CELSR2: variants seen among roughly 807,000 people sequenced by gnomAD.
CELSR2 encodes cadherin EGF LAG seven-pass G-type receptor 2.
CELSR2 carries 81 observed loss-of-function variants against 251.6 expected under a neutral mutation model. That is an observed-to-expected ratio of 0.32 (90% CI 0.27 to 0.39). The LOEUF is 0.39. Among genes scored for constraint, CELSR2 ranks in the 10% least tolerant of loss-of-function variants. CELSR2 has a pLI of 1.00. For synonymous variants in CELSR2, 1,721 were observed against 1,670.5 expected (o/e 1.03, Z -0.74); for missense variants, 3,365 against 3,947.7 (o/e 0.85, Z 3.96).
Position 109,251,942 on chromosome 1 carries a change from G to T in CELSR2, c.1863G>T (p.Glu621Asp), listed in dbSNP as rs1655704487. The T allele has an allele frequency of 6.2e-7, 1 of 1,613,990 alleles. No individual in the cohort carries two copies. ...CAGAGTACACAGTGCGGCTCAATGA[G>T]GATGCAGCTGTGGGCACCAGCGTGG... The part of the protein sequence containing the change: ...TQPEYTVRLN[E>D]DAAVGTSVVT... The change falls in exon 1 of 34, where the codon GAG becomes GAT. Residue 621 changes from glutamate to aspartate, a missense_variant. Glu to Asp is a conservative substitution (Grantham distance 45, BLOSUM62 2). Coordinates refer to ENST00000271332, the MANE Select transcript of CELSR2 (RefSeq NM_001408.3). The surrounding 1 kb of genome is among the most constrained non-coding windows in gnomAD (Gnocchi z 4.9).
Position 109,261,952 on chromosome 1 carries a change from C to G in CELSR2, c.4386+56C>G. 1 of 1,504,274 alleles carries G rather than the reference C, an allele frequency of 6.6e-7. No homozygotes were observed. The highest frequency in any genetic ancestry group is 1.4e-5 in the African/African-American group (1 of 72,166). The allele number at this position is 1,504,274 out of a possible 1,614,324, so 93.2% of individuals were successfully genotyped here. The stretch of plus-strand genomic sequence containing the variant: ...TTCTGTTCTTGCCTCAGGTGCTTAC[C>G]CAGCCCTGAGTGGCATTGCCTCCAG... On this transcript the variant is annotated intron_variant, in intron 5 of 33. Coordinates refer to ENST00000271332, the MANE Select transcript of CELSR2 (RefSeq NM_001408.3). This position sits in a 1 kb window ranked among gnomAD's most constrained non-coding sequence, Gnocchi z 4.8.
intron 2 of CELSR2, 137 bp downstream of exon 2, chr1:109,259,216 C>T (rs1655949889): frequency 6.3e-6 from 5 of 796,910 alleles, no homozygotes; most frequent in East Asian, 2.7e-5. Context: ...GTCATAAATC[C>T]GGCCTGCTCC....
rs754695838 is a variant in CELSR2, at chr1:109,271,722, G to A, written c.7926G>A (p.Ser2642=). The change falls in exon 28 of 34, where the codon TCG becomes TCA. Residue 2642 remains serine, a splice_region_variant and synonymous_variant. Transcript: ENST00000271332. Reference sequence around the variant, plus strand: ...TGACCACCAAGTCCACCCTGACCTCGGTGAGGGAGCCAGGGGTCTCAGGAG... The same window carrying A: ...TGACCACCAAGTCCACCCTGACCTCAGTGAGGGAGCCAGGGGTCTCAGGAG... ...PALTTKSTLT[S]SYNCPSPYAD... 3 of 1,613,688 alleles carry A rather than the reference G, an allele frequency of 1.9e-6. No individual in the cohort carries two copies. The highest frequency in any genetic ancestry group is 1.1e-5 in the South Asian group (1 of 91,068).
In CELSR2 at chr1:109,269,141, C is replaced by G; in HGVS notation, c.6663C>G (p.Pro2221=). 3 of 1,609,106 alleles carry G rather than the reference C, an allele frequency of 1.9e-6. No homozygotes were observed. Among genetic ancestry groups the G allele is most frequent in the Non-Finnish European group, 2.5e-6 (3 of 1,178,124 alleles). The change falls in exon 20 of 34, where the codon CCC becomes CCG. Residue 2221 remains proline (P), a synonymous_variant. Transcript: ENST00000271332. This position sits in a 1 kb window ranked among gnomAD's most constrained non-coding sequence, Gnocchi z 6.4. ...ETPPVVRPAG[P]GEAQEPEELA... The stretch of plus-strand genomic sequence containing the variant: ...CCCCCGTGGTCAGGCCCGCAGGCCC[C>G]GGAGAGGCCCAGGAGCCAGAGGAGC...
intron 2 of CELSR2, 44 bp from the exon 3 acceptor site, chr1:109,260,998 T>C: frequency 2.0e-6 from 3 of 1,489,070 alleles, no homozygotes; most frequent in Non-Finnish European, 2.8e-6. Flanking sequence ...GTTCCCCTCC[T>C]GTCCTCAGGT....
In CELSR2 at chr1:109,250,386, C is replaced by T. The variant is rs1254815877; in HGVS notation, c.307C>T (p.Leu103=). 5 of 1,613,468 alleles carry T rather than the reference C, an allele frequency of 3.1e-6. No individual in the cohort carries two copies. Among genetic ancestry groups the T allele is most frequent in the Admixed American group, 1.7e-5 (1 of 60,012 alleles). ...WCPESEAHIP[L]PPAPEGCPWS... ...TCCAGAATCCGAGGCCCATATTCCC[C>T]TACCACCAGCTCCTGAAGGCTGCCC... The change falls in exon 1 of 34, where the codon CTA becomes TTA. Residue 103 remains leucine (L), a synonymous_variant. Transcript: ENST00000271332. The surrounding 1 kb of genome is among the most constrained non-coding windows in gnomAD (Gnocchi z 4.4).
At position 109,268,614 on chromosome 1, in the gene CELSR2, A is replaced by T; in HGVS notation, c.6352A>T (p.Thr2118Ser). ...GCGGGTGGGCAGCGCCCTCCTGGACACAGCCAACAAGCGGCACTGGGAGCT... is the reference window on the plus strand; with the variant it reads ...GCGGGTGGGCAGCGCCCTCCTGGACTCAGCCAACAAGCGGCACTGGGAGCT... ...LLRVGSALLDTANKRHWELIQ... is the reference protein window; with the variant it reads ...LLRVGSALLDSANKRHWELIQ... The change falls in exon 18 of 34, where the codon ACA (threonine) becomes TCA (serine). Residue 2118 changes from threonine to serine, a missense_variant. Thr to Ser is a moderately conservative substitution (Grantham distance 58, BLOSUM62 1). This residue lies in a region of CELSR2 where 2,093 missense variants were observed against 2,382.8 expected (regional missense o/e 0.88). Transcript: ENST00000271332. The T allele has an allele frequency of 6.2e-7, 1 of 1,613,576 alleles. No homozygotes were observed. Among genetic ancestry groups the T allele is most frequent in the Non-Finnish European group, 8.5e-7 (1 of 1,179,864 alleles).
chr1:109,251,871 G>A lies in CELSR2; in HGVS notation c.1792G>A (p.Val598Met), dbSNP rs117684956. 5.0e-4 allele frequency: 814 copies of A among 1,614,106 alleles called. 8 individuals carry two copies. The East Asian group carries it at 0.013, about 26-fold the overall frequency. ...ACTCACTGCCTCGGCCAGTGTCAGCGTGACTGTCCTGGATGTCAACGACAA... is the reference window on the plus strand; with the variant it reads ...ACTCACTGCCTCGGCCAGTGTCAGCATGACTGTCCTGGATGTCAACGACAA... ...PALTASASVS[V>M]TVLDVNDNNP... Residue 598 changes from valine (V) to methionine (M), a missense_variant, in exon 1 of 34, where the codon GTG becomes ATG. By Grantham distance (21) the Val-to-Met change is conservative. Coordinates refer to ENST00000271332, the MANE Select transcript of CELSR2 (RefSeq NM_001408.3). This position sits in a 1 kb window ranked among gnomAD's most constrained non-coding sequence, Gnocchi z 4.9.
chr1:109,255,728 A>C (rs1655825233), intron 1 of CELSR2, among the ~76,000 whole-genome samples: 1 of 152,222 alleles, frequency 6.6e-6, no homozygotes, highest in Non-Finnish European at 1.5e-5. Flanking sequence ...AGCTCAGGCA[A>C]CGTACTCCCC....
Position 109,269,530 on chromosome 1 carries a change from C to T in CELSR2, c.6919C>T (p.Arg2307Cys), listed in dbSNP as rs1366132430. 17 of 1,614,032 alleles carry T rather than the reference C, an allele frequency of 1.1e-5. No homozygotes were observed. Among genetic ancestry groups the T allele is most frequent in the Middle Eastern group, 1.6e-4 (1 of 6,084 alleles). ...ALDKPVTVQFRLLETEERTKP... is the reference protein window; with the variant it reads ...ALDKPVTVQFCLLETEERTKP... ...GGACAAACCCGTCACGGTGCAGTTCCGCCTGCTGGAGACAGAGGAGCGGAC... is the reference window on the plus strand; with the variant it reads ...GGACAAACCCGTCACGGTGCAGTTCTGCCTGCTGGAGACAGAGGAGCGGAC... Residue 2307 changes from arginine to cysteine, a missense_variant, in exon 21 of 34, where the codon CGC becomes TGC. Physicochemically the swap from Arg to Cys is radical, Grantham distance 180 (BLOSUM62 -3). Transcript: ENST00000271332. This position sits in a 1 kb window ranked among gnomAD's most constrained non-coding sequence, Gnocchi z 6.4.
rs1328625998 is a variant in CELSR2, at chr1:109,250,752, G to A, written c.673G>A (p.Asp225Asn). Residue 225 changes from aspartate (D) to asparagine (N), a missense_variant, in exon 1 of 34, where the codon GAT (aspartate) becomes AAT (asparagine). By Grantham distance (23) the Asp-to-Asn change is conservative. This residue lies in a region of CELSR2 where 704 missense variants were observed against 784.1 expected (regional missense o/e 0.90). Coordinates refer to ENST00000271332, the MANE Select transcript of CELSR2 (RefSeq NM_001408.3). This position sits in a 1 kb window ranked among gnomAD's most constrained non-coding sequence, Gnocchi z 4.4. The part of the protein sequence containing the change: ...RLEYTMDALF[D>N]SRSNQFFSLD... ...GGAGTACACCATGGATGCCCTCTTT[G>A]ATAGCCGCTCCAACCAGTTCTTCTC... 2 of 1,614,112 alleles carry A rather than the reference G, an allele frequency of 1.2e-6. No homozygotes were observed. The highest frequency in any genetic ancestry group is 1.7e-6 in the Non-Finnish European group (2 of 1,180,026).
Position 109,263,664 on chromosome 1 carries a change from C to T in CELSR2, c.4888C>T (p.Leu1630Phe). 6.2e-7 allele frequency: 1 copy of T among 1,614,050 alleles called. No individual in the cohort carries two copies. Among genetic ancestry groups the T allele is most frequent in the Non-Finnish European group, 8.5e-7 (1 of 1,179,984 alleles). The change falls in exon 9 of 34, where the codon CTC becomes TTC. Residue 1630 changes from leucine (L) to phenylalanine (F), a missense_variant. By Grantham distance (22) the Leu-to-Phe change is conservative (BLOSUM62 0). Around this residue, in one of 5 missense-constraint regions of CELSR2, gnomAD observed 2,093 missense variants for 2,382.8 expected, o/e 0.88. Coordinates refer to ENST00000271332, the MANE Select transcript of CELSR2 (RefSeq NM_001408.3). ...LGSSLVAWHG[L>F]SLPISQPWYL... ...CAGCAGCCTGGTGGCCTGGCATGGC[C>T]TCTCGCTGCCCATCTCCCAACCCTG...
chr1:109,260,939 AG>A (rs1255384564), intron 2 of CELSR2, 102 bp from the exon 3 acceptor site: 13 of 823,364 alleles, frequency 1.6e-5, no homozygotes, highest in Non-Finnish European at 2.5e-5. Flanking sequence ...GAGTATTACG[AG>A]GGTCACGGGA....
chr1:109,250,333 C>G lies in CELSR2; in HGVS notation c.254C>G (p.Pro85Arg), dbSNP rs1437397288. Residue 85 changes from proline (P) to arginine (R), a missense_variant, in exon 1 of 34, where the codon CCC becomes CGC. Physicochemically the swap from Pro to Arg is moderately radical, Grantham distance 103. Coordinates refer to ENST00000271332, the MANE Select transcript of CELSR2 (RefSeq NM_001408.3). This position sits in a 1 kb window ranked among gnomAD's most constrained non-coding sequence, Gnocchi z 4.4. ...ACTGAGCTGACTGGCCACCTGGTAC[C>G]CCACCACGATGGCCTGAGGGTTTGG... ...AGTELTGHLVPHHDGLRVWCP... is the reference protein window; with the variant it reads ...AGTELTGHLVRHHDGLRVWCP... 6.2e-7 allele frequency: 1 copy of G among 1,613,496 alleles called. No homozygotes were observed. Among genetic ancestry groups the G allele is most frequent in the African/African-American group, 1.3e-5 (1 of 75,062 alleles).
Position 109,261,851 on chromosome 1 carries a change from C to T in CELSR2, c.4341C>T (p.Val1447=). 1 of 1,592,852 alleles carries T rather than the reference C, an allele frequency of 6.3e-7. No individual in the cohort carries two copies. The highest frequency in any genetic ancestry group is 8.6e-7 in the Non-Finnish European group (1 of 1,168,026). The change falls in exon 5 of 34, where the codon GTC becomes GTT. Residue 1447 remains valine, a synonymous_variant. Transcript: ENST00000271332. This position sits in a 1 kb window ranked among gnomAD's most constrained non-coding sequence, Gnocchi z 4.8. ...TTVSPFVPGG[V]SDGQWHTVQL... The stretch of plus-strand genomic sequence containing the variant: ...TGTCCCCATTCGTGCCCGGAGGAGT[C>T]AGTGATGGCCAGTGGCATACGGTGC...
rs1175103899 is a variant in CELSR2 at position 109,253,454 on chromosome 1, G to C, written c.3310+65G>C. On this transcript the variant is annotated intron_variant, in intron 1 of 33. Coordinates refer to ENST00000271332, the MANE Select transcript of CELSR2 (RefSeq NM_001408.3). ...CGCGGGGATGGTCTGGGCAGCCACT[G>C]GAGGTAGGGTGCGATCCAGGAAGCA... The C allele has an allele frequency of 3.9e-6, 6 of 1,535,024 alleles. No homozygotes were observed. The African/African-American group carries it at 8.2e-5, about 21-fold the overall frequency.
chr1:109,274,551 C>T lies in CELSR2; in HGVS notation c.*502C>T. ...AAGGAAAGGACAAAGCCACACGCAG[C>T]CAGGGCTTCACACCCTTCAGGCTGC... On this transcript the variant is annotated 3_prime_UTR_variant, in exon 34 of 34. Coordinates refer to ENST00000271332, the MANE Select transcript of CELSR2 (RefSeq NM_001408.3). 1 of 172,416 alleles carries T rather than the reference C, an allele frequency of 5.8e-6. No individual in the cohort carries two copies. Among genetic ancestry groups the T allele is most frequent in the Non-Finnish European group, 1.2e-5 (1 of 80,542 alleles). The allele number at this position is 172,416 out of a possible 1,614,324, so 10.7% of individuals were successfully genotyped here.
Position 109,271,765 on chromosome 1 carries a change from G to C in CELSR2, c.7926+43G>C. 5 of 1,604,000 alleles carry C rather than the reference G, an allele frequency of 3.1e-6. No homozygotes were observed. In the South Asian group the frequency reaches 5.5e-5, roughly 18 times the overall value. On this transcript the variant is annotated intron_variant, in intron 28 of 33. Transcript: ENST00000271332. ...CTCAGGAGGGCGGTGAAGGGAGGGA[G>C]AGGCAGGAGGCCCAGTGAGCCTGTA...
chr1:109,266,969 C>T (rs1488319231), intron 15 of CELSR2, among the ~76,000 whole-genome samples: 1 of 152,058 alleles, frequency 6.6e-6, no homozygotes, highest in African/African-American at 2.4e-5. Flanking sequence ...GATCAGCCCG[C>T]CTCGGCCTCC....
Sources: gnomAD v4.1 joint callset for allele counts (sites outside exome capture counted in the v4.1 genomes callset) on GRCh38, gnomAD v4.1.1 for gene constraint, gnomAD v4.1.1 regional missense constraint, Gnocchi (gnomAD v3.1) non-coding constraint, MANE v1.5 for transcripts, NCBI Gene and HGNC (gene_info 2026-07-23, HGNC 2026-07-21) for gene names.